EYS: variants seen among roughly 807,000 people sequenced by gnomAD.
EYS encodes protein eyes shut homolog.
EYS carries 250 observed loss-of-function variants against 282.1 expected under a neutral mutation model. That is an observed-to-expected ratio of 0.89 (90% CI 0.80 to 0.98). The LOEUF is 0.98. Among genes scored for constraint, EYS ranks in the 50% least tolerant of loss-of-function variants. The probability of loss-of-function intolerance (pLI) is 0.00; values close to 1 mark genes in which losing one functional copy is unlikely to be tolerated. For synonymous variants in EYS, 1,355 were observed against 1,282.9 expected (o/e 1.06, Z -1.20); for missense variants, 4,016 against 3,709.0 (o/e 1.08, Z -2.15).
At chr6:65,210,322 C>T (rs1422782005) in intron 12 of EYS, among the ~76,000 whole-genome samples, 2 of 151,950 alleles carry the variant, frequency 1.3e-5, no homozygotes, top group African/African-American at 4.8e-5. Context: ...TGGGAACTTT[C>T]CCATTGGAAT....
intron 5 of EYS, among the ~76,000 whole-genome samples, chr6:65,445,497 T>G (rs1768619620): frequency 6.6e-6 from 1 of 151,818 alleles, no homozygotes; most frequent in African/African-American, 2.4e-5. Flanking sequence ...TATTTTAACT[T>G]GTTAAACTTG....
chr6:65,490,065 T>G (rs936350430), intron 5 of EYS: 3 of 153,450 alleles, frequency 2.0e-5, no homozygotes, highest in African/African-American at 7.2e-5. Flanking sequence ...CCATGGCACA[T>G]GGCATACCTA....
chr6:64,971,811 G>C (rs1770305270), intron 14 of EYS, among the ~76,000 whole-genome samples: 1 of 152,080 alleles, frequency 6.6e-6, no homozygotes, highest in African/African-American at 2.4e-5. Context: ...CCGATAGAGA[G>C]AACATCATGA....
chr6:65,005,952 T>A (rs1204889573), intron 13 of EYS, among the ~76,000 whole-genome samples: 1 of 152,214 alleles, frequency 6.6e-6, no homozygotes, highest in Admixed American at 6.5e-5. Flanking sequence ...CTGAATCTAC[T>A]TCCTCTGATC....
chr6:64,310,072 A>T (rs1452392044), intron 29 of EYS, among the ~76,000 whole-genome samples: 1 of 125,390 alleles, frequency 8.0e-6, no homozygotes, highest in African/African-American at 3.4e-5. Flanking sequence ...AAAAAAATAA[A>T]AAAAAAAATA....
chr6:65,112,778 A>G (rs1036292009), intron 12 of EYS, among the ~76,000 whole-genome samples: 1 of 152,152 alleles, frequency 6.6e-6, no homozygotes, highest in Non-Finnish European at 1.5e-5. Flanking sequence ...AGTATGACAC[A>G]AAAGCAAGCT....
chr6:65,511,335 T>C (rs1184302328), intron 2 of EYS, among the ~76,000 whole-genome samples: 2 of 149,776 alleles, frequency 1.3e-5, no homozygotes, highest in Admixed American at 6.7e-5. Context: ...TTAATACAAA[T>C]GCATTCTGTG....
chr6:64,191,161 C>A (rs928574501), intron 31 of EYS, among the ~76,000 whole-genome samples: 1 of 151,940 alleles, frequency 6.6e-6, no homozygotes, highest in African/African-American at 2.4e-5. Flanking sequence ...TTTCCACTTT[C>A]TTTATGGTGT....
intron 34 of EYS, among the ~76,000 whole-genome samples, chr6:63,988,696 A>T (rs969327465): frequency 3.3e-5 from 5 of 151,656 alleles, no homozygotes; most frequent in Non-Finnish European, 7.4e-5. Flanking sequence ...TGACATCAAG[A>T]TATGATGGTA....
chr6:65,407,086 C>T (rs1022317329), intron 5 of EYS, among the ~76,000 whole-genome samples: 3 of 152,008 alleles, frequency 2.0e-5, no homozygotes, highest in South Asian at 2.1e-4. Flanking sequence ...GAATTCCAAT[C>T]GATGAATATG....
intron 22 of EYS, among the ~76,000 whole-genome samples, chr6:64,798,607 G>GTTTTTTTT (rs57597318): frequency 1.9e-5 from 2 of 106,810 alleles, no homozygotes; most frequent in Non-Finnish European, 1.9e-5. Flanking sequence ...TTTGTTTCTG[G>GTTTTTTTT]TTTTTTTTTT....
chr6:64,336,836 G>A (rs2150393975), intron 29 of EYS, among the ~76,000 whole-genome samples: 1 of 151,998 alleles, frequency 6.6e-6, no homozygotes, highest in East Asian at 1.9e-4. Flanking sequence ...TTGAAACTAT[G>A]CAAATACATG....
intron 22 of EYS, among the ~76,000 whole-genome samples, chr6:64,673,649 A>G (rs1023645647): frequency 1.3e-5 from 2 of 152,082 alleles, no homozygotes; most frequent in African/African-American, 4.8e-5. Flanking sequence ...ATCTTTATAA[A>G]TGATCAACCT....
At chr6:64,954,750 C>A (rs1769632540) in intron 14 of EYS, among the ~76,000 whole-genome samples, 1 of 152,110 alleles carries the variant, frequency 6.6e-6, no homozygotes, top group African/African-American at 2.4e-5. Context: ...TTTTCCCCCA[C>A]CCCTGGCAAG....
chr6:64,693,080 A>T (rs1770453139), intron 22 of EYS, among the ~76,000 whole-genome samples: 1 of 141,158 alleles, frequency 7.1e-6, no homozygotes, highest in African/African-American at 2.6e-5. Context: ...TATCTTTTTT[A>T]AAAAGCACAA....
chr6:65,058,581 C>CT lies in EYS; in HGVS notation c.2024-855dup, dbSNP rs990592904. On this transcript the variant is annotated intron_variant, in intron 12 of 42. Transcript: ENST00000503581. ...ATTATGGTGCCAGGGTGATGAATTA[C>CT]TTTTTTTCTAGTAATTTTACAACGT... Among the ~76,000 whole-genome samples the CT allele has an allele frequency of 6.6e-5, 10 of 150,892 alleles. 1 individual carries two copies. The Middle Eastern group carries it at 0.024, about 362-fold the overall frequency.
At chr6:64,633,559 G>A (rs1004335197) in intron 22 of EYS, among the ~76,000 whole-genome samples, 7 of 149,680 alleles carry the variant, frequency 4.7e-5, no homozygotes, top group African/African-American at 1.7e-4. Context: ...TTAGCAGTTT[G>A]TCACATTGAG....
At position 65,356,623 on chromosome 6, in the gene EYS, C is replaced by A. The variant is rs577074203; in HGVS notation, c.1300-3006G>T. ...CCTGAACAATTTATCTGTACTTATACCCTTCTATACTGAATAAGGACACTA... is the reference window on the plus strand; with the variant it reads ...CCTGAACAATTTATCTGTACTTATAACCTTCTATACTGAATAAGGACACTA... On this transcript the variant is annotated intron_variant, in intron 8 of 42. Transcript: ENST00000503581. Among the ~76,000 whole-genome samples, 7 of 152,084 alleles carry A rather than the reference C, an allele frequency of 4.6e-5. No individual in the cohort carries two copies. The South Asian group carries it at 1.5e-3, about 32-fold the overall frequency.
chr6:64,783,385 G>A (rs183379985), intron 22 of EYS, among the ~76,000 whole-genome samples: 34 of 150,920 alleles, frequency 2.3e-4, no homozygotes, highest in Non-Finnish European at 3.8e-4. Flanking sequence ...AATATAATTA[G>A]GTTTCAGTAC....
Sources: gnomAD v4.1 joint callset for allele counts (sites outside exome capture counted in the v4.1 genomes callset) on GRCh38, gnomAD v4.1.1 for gene constraint, MANE v1.5 for transcripts, NCBI Gene and HGNC (gene_info 2026-07-23, HGNC 2026-07-21) for gene names.